SENP6: variants seen among roughly 807,000 people sequenced by gnomAD.
SENP6 encodes the protein sentrin-specific protease 6.
SENP6 carries 41 observed loss-of-function variants against 134.5 expected under a neutral mutation model. The observed-to-expected ratio is 0.30, with a 90% CI of 0.24 to 0.40. The LOEUF is 0.40. SENP6 is among the 10% of genes least tolerant of loss of function. The pLI is 1.00. For synonymous variants in SENP6, 395 were observed against 429.8 expected (o/e 0.92, Z 1.00); for missense variants, 1,248 against 1,312.5 (o/e 0.95, Z 0.76).
chr6:75,647,908 T>C (rs1018481342), intron 7 of SENP6, 107 bp downstream of exon 7: 12 of 762,044 alleles, frequency 1.6e-5, no homozygotes, highest in Non-Finnish European at 1.0e-5. Flanking sequence ...ATAATAGATA[T>C]ATATGTAGAA....
chr6:75,693,455 G>A (rs1774435953), intron 16 of SENP6, among the ~76,000 whole-genome samples: 1 of 151,406 alleles, frequency 6.6e-6, no homozygotes, highest in African/African-American at 2.4e-5. Flanking sequence ...TATAGTTTGG[G>A]CCAGCAAAAG....
intron 16 of SENP6, among the ~76,000 whole-genome samples, chr6:75,692,551 A>G (rs1436416335): frequency 6.6e-6 from 1 of 152,140 alleles, no homozygotes; most frequent in African/African-American, 2.4e-5. Flanking sequence ...ACTTGAGCCC[A>G]GGAGTTTGAG....
chr6:75,661,880 C>T (rs181969526), intron 8 of SENP6, among the ~76,000 whole-genome samples: 509 of 152,010 alleles, frequency 3.3e-3, no homozygotes, highest in Non-Finnish European at 5.2e-3. Context: ...GGTGAAATCC[C>T]GTCTCTACTA....
chr6:75,638,600 A>G (rs1388499227), intron 5 of SENP6, among the ~76,000 whole-genome samples: 3,790 of 43,500 alleles, frequency 0.087, 256 homozygotes, highest in Non-Finnish European at 0.13. Flanking sequence ...GTATATATAT[A>G]TATATATATA....
rs572933604 is a variant in SENP6, at chr6:75,677,463, GCATTTTTGGTTCCTCCA to G, written c.1848+212_1848+228del. On this transcript the variant is annotated intron_variant, in intron 14 of 23. Transcript: ENST00000447266. ...ATACCACTTGATACAGGTCTCAGAA[GCATTTTTGGTTCCTCCA>G]CATTCTATCCTTATCTTTACTTTTC... 52 of 420,928 alleles carry G rather than the reference GCATTTTTGGTTCCTCCA, an allele frequency of 1.2e-4. No individual in the cohort carries two copies. In the South Asian group the frequency reaches 2.5e-3, roughly 20 times the overall value. The allele number at this position is 420,928 out of a possible 1,614,324, so 26.1% of individuals were successfully genotyped here.
rs1456497870 is a variant in SENP6 at position 75,689,730 on chromosome 6, AC to A, written c.2076-6073del. On this transcript the variant is annotated intron_variant, in intron 16 of 23. Coordinates refer to ENST00000447266, the MANE Select transcript of SENP6 (RefSeq NM_015571.4). ...CCTATGGTATTCAGTACGGTAACAT[AC>A]TATACAGGTGTATAGTGTAGAAGCA... Among the ~76,000 whole-genome samples, 3 of 152,212 alleles carry A rather than the reference AC, an allele frequency of 2.0e-5. 1 individual carries two copies. Among genetic ancestry groups the A allele is most frequent in the African/African-American group, 7.2e-5 (3 of 41,478 alleles).
intron 1 of SENP6, among the ~76,000 whole-genome samples, chr6:75,620,185 T>C (rs1203287396): frequency 6.6e-6 from 1 of 152,146 alleles, no homozygotes; most frequent in Non-Finnish European, 1.5e-5. Context: ...TTAGTGATGC[T>C]GAGCATCTTT....
intron 7 of SENP6, among the ~76,000 whole-genome samples, chr6:75,649,143 T>TG (rs1770674027): frequency 6.6e-6 from 1 of 150,860 alleles, no homozygotes; most frequent in South Asian, 2.1e-4. Context: ...CCATCGCTAC[T>TG]GGAAAAAAAA....
chr6:75,708,166 TCTC>T (rs1390189814), intron 19 of SENP6, among the ~76,000 whole-genome samples: 2 of 152,088 alleles, frequency 1.3e-5, no homozygotes, highest in Non-Finnish European at 1.5e-5. Flanking sequence ...TTCAAGCAAT[TCTC>T]CTGTCTCTCA....
At chr6:75,706,745 C>A (rs1475600203) in intron 19 of SENP6, among the ~76,000 whole-genome samples, 1 of 152,196 alleles carries the variant, frequency 6.6e-6, no homozygotes, top group Non-Finnish European at 1.5e-5. Flanking sequence ...AAATCACATA[C>A]AGTGATTTCA....
At chr6:75,708,621 A>AC (rs772241200) in intron 19 of SENP6, among the ~76,000 whole-genome samples, 3 of 152,170 alleles carry the variant, frequency 2.0e-5, no homozygotes, top group African/African-American at 4.8e-5. Flanking sequence ...GAGGCCAGGC[A>AC]CGGTGGCTCA....
At chr6:75,635,047 C>G (rs1277274234) in intron 5 of SENP6, 1 of 577,834 alleles carries the variant, frequency 1.7e-6, no homozygotes, top group Admixed American at 2.6e-5. Flanking sequence ...GCATTATAAT[C>G]CAGAGAATCT....
At chr6:75,668,209 G>T (rs1328808756) in intron 10 of SENP6, among the ~76,000 whole-genome samples, 1 of 152,242 alleles carries the variant, frequency 6.6e-6, no homozygotes, top group South Asian at 2.1e-4. Context: ...GGTGCAAGCC[G>T]CTGCACCCGG....
At chr6:75,685,877 T>C (rs1442411637) in intron 16 of SENP6, among the ~76,000 whole-genome samples, 1 of 152,172 alleles carries the variant, frequency 6.6e-6, no homozygotes, top group Non-Finnish European at 1.5e-5. Context: ...TTCTGTTGAT[T>C]TGGGGTGGAG....
In SENP6 at chr6:75,715,529, A is replaced by G. The variant is rs755192315; in HGVS notation, c.3274A>G (p.Thr1092Ala). Reference protein sequence around the residue: ...QSKEKRKHKDTYSTEAPLGEG... With the variant: ...QSKEKRKHKDAYSTEAPLGEG... ...CAAAGAGAAAAGAAAGCATAAGGAC[A>G]CTTACTCAACAGAAGCACCTTTAGG... The change falls in exon 24 of 24, where the codon ACT (threonine) becomes GCT (alanine). Residue 1092 changes from threonine (T) to alanine (A), a missense_variant. By Grantham distance (58) the Thr-to-Ala change is moderately conservative. Coordinates refer to ENST00000447266, the MANE Select transcript of SENP6 (RefSeq NM_015571.4). 6.2e-7 allele frequency: 1 copy of G among 1,613,462 alleles called. No individual in the cohort carries two copies. Among genetic ancestry groups the G allele is most frequent in the Non-Finnish European group, 8.5e-7 (1 of 1,179,532 alleles).
chr6:75,702,994 A>G lies in SENP6; in HGVS notation c.2638A>G (p.Thr880Ala), dbSNP rs1562069639. Reference sequence around the variant, plus strand: ...TGAAGAATTCAATAAAGGAGAATCTACATCCCAGAAAGTTGCTGATAGGAC... The same window carrying G: ...TGAAGAATTCAATAAAGGAGAATCTGCATCCCAGAAAGTTGCTGATAGGAC... ...ENEEFNKGES[T>A]SQKVADRTKS... The change falls in exon 19 of 24, where the codon ACA (threonine) becomes GCA (alanine). Residue 880 changes from threonine (T) to alanine (A), a missense_variant. Coordinates refer to ENST00000447266, the MANE Select transcript of SENP6 (RefSeq NM_015571.4). The G allele has an allele frequency of 1.1e-5, 17 of 1,613,940 alleles. No individual in the cohort carries two copies. The East Asian group carries it at 2.0e-4, about 19-fold the overall frequency.
intron 16 of SENP6, among the ~76,000 whole-genome samples, chr6:75,687,357 C>T (rs1226998445): frequency 2.0e-5 from 3 of 152,278 alleles, no homozygotes; most frequent in Admixed American, 6.5e-5. Flanking sequence ...TCCTTTAGCT[C>T]GGAGAAGTTT....
At chr6:75,706,355 T>A (rs998426686) in intron 19 of SENP6, among the ~76,000 whole-genome samples, 2 of 152,178 alleles carry the variant, frequency 1.3e-5, no homozygotes, top group African/African-American at 4.8e-5. Flanking sequence ...GAATTACATT[T>A]CAGTGTGGCT....
At chr6:75,658,257 CTT>C (rs539074188) in intron 7 of SENP6, among the ~76,000 whole-genome samples, 6 of 152,148 alleles carry the variant, frequency 3.9e-5, no homozygotes, top group African/African-American at 4.8e-5. Flanking sequence ...CTTAGTGAAA[CTT>C]TGTGATTGCA....
Sources: allele counts gnomAD v4.1 joint callset (sites outside exome capture counted in the v4.1 genomes callset), GRCh38; gene constraint gnomAD v4.1.1; transcripts MANE v1.5; gene names NCBI Gene and HGNC (gene_info 2026-07-23, HGNC 2026-07-21).